Variants in ZBTB20 observed in about 807,000 individuals in gnomAD.
ZBTB20 encodes the protein zinc finger and BTB domain-containing protein 20.
In ZBTB20, 9 loss-of-function variants were observed where a neutral mutation model predicts 56.9. That is an observed-to-expected ratio of 0.16 (90% CI 0.10 to 0.28). The LOEUF is 0.28. ZBTB20 is among the 10% of genes least tolerant of loss of function. The probability of loss-of-function intolerance (pLI) is 1.00; values close to 1 mark genes in which losing one functional copy is unlikely to be tolerated. For missense variants in ZBTB20, 655 were observed against 1,003.0 expected, an observed-to-expected ratio of 0.65 and a Z score of 4.69; for synonymous variants, 417 against 420.7, an observed-to-expected ratio of 0.99 and a Z score of 0.11.
intron 7 of ZBTB20, among the ~76,000 whole-genome samples, chr3:114,412,814 C>T (rs1576645107): frequency 6.6e-6 from 1 of 152,208 alleles, no homozygotes; most frequent in South Asian, 2.1e-4. Context: ...TGAGCAAAAA[C>T]TTCAGTCTCT....
At chr3:114,679,595 C>T (rs922985174) in intron 6 of ZBTB20, among the ~76,000 whole-genome samples, 8 of 152,092 alleles carry the variant, frequency 5.3e-5, no homozygotes, top group South Asian at 2.1e-4. Flanking sequence ...TACTATCTCA[C>T]GCCAGTTAGA....
chr3:114,766,299 G>A (rs572275223), intron 5 of ZBTB20, among the ~76,000 whole-genome samples: 1 of 151,884 alleles, frequency 6.6e-6, no homozygotes, highest in African/African-American at 2.4e-5. Flanking sequence ...GCACAGAAAC[G>A]GATAAAAAAG....
intron 4 of ZBTB20, among the ~76,000 whole-genome samples, chr3:114,865,264 C>A (rs2075717945): frequency 6.6e-6 from 1 of 152,110 alleles, no homozygotes; most frequent in African/African-American, 2.4e-5. Context: ...GACTTTTAAA[C>A]AAACACATTT....
intron 5 of ZBTB20, among the ~76,000 whole-genome samples, chr3:114,746,699 T>C (rs1055134299): frequency 5.3e-5 from 8 of 152,158 alleles, no homozygotes; most frequent in African/African-American, 1.9e-4. Context: ...ATAAGGAGGG[T>C]TTTGTTTGGG....
intron 7 of ZBTB20, among the ~76,000 whole-genome samples, chr3:114,390,016 G>T (rs2085673822): frequency 6.6e-6 from 1 of 151,630 alleles, no homozygotes; most frequent in African/African-American, 2.4e-5. Flanking sequence ...TCATGAGGAT[G>T]TACAGTACAT....
chr3:114,558,627 G>A (rs2051578640), intron 6 of ZBTB20, among the ~76,000 whole-genome samples: 1 of 152,018 alleles, frequency 6.6e-6, no homozygotes, highest in Admixed American at 6.6e-5. Flanking sequence ...ACTATTAACT[G>A]GGATTACTTC....
At chr3:114,763,621 T>C (rs2068589615) in intron 5 of ZBTB20, among the ~76,000 whole-genome samples, 2 of 152,258 alleles carry the variant, frequency 1.3e-5, no homozygotes, top group Admixed American at 6.5e-5. Flanking sequence ...TTTTCAGCTA[T>C]AAAATGAGAA....
At chr3:114,814,235 A>G (rs535869144) in intron 4 of ZBTB20, among the ~76,000 whole-genome samples, 11 of 149,442 alleles carry the variant, frequency 7.4e-5, no homozygotes, top group African/African-American at 2.7e-4. Flanking sequence ...TTATTTACTT[A>G]ATTTATATTA....
At position 114,320,955 on chromosome 3, in the gene ZBTB20, C is replaced by T. The variant is rs934349786; in HGVS notation, c.*18050G>A. ...AGCCTCCAAACCTTGCCCATGATTTCCACCTTTCCATAGCCTCACTTCAAG... is the reference window on the plus strand; with the variant it reads ...AGCCTCCAAACCTTGCCCATGATTTTCACCTTTCCATAGCCTCACTTCAAG... On this transcript the variant is annotated 3_prime_UTR_variant, in exon 12 of 12. Transcript: ENST00000675478. The T allele has an allele frequency of 2.0e-5, 3 of 152,168 alleles. No homozygotes were observed. Among genetic ancestry groups the T allele is most frequent in the African/African-American group, 7.2e-5 (3 of 41,434 alleles). 9.4% of individuals were successfully genotyped at this position (152,168 alleles called of 1,614,324 possible). A position where few individuals can be genotyped will look rare whatever the true frequency, so the allele number is the denominator to read the frequency against.
At chr3:114,694,584 T>C (rs560448854) in intron 5 of ZBTB20, among the ~76,000 whole-genome samples, 1 of 152,122 alleles carries the variant, frequency 6.6e-6, no homozygotes, top group African/African-American at 2.4e-5. Context: ...TCCTAGGACT[T>C]ATATAAACAA....
In ZBTB20 at chr3:114,978,046, A is replaced by G. The variant is rs185767344; in HGVS notation, c.-506-3630T>C. ...AAAAAAAAAGTGTAAGGCAGAAAAC[A>G]TCTTTAACAAAATTCAAACTTAAGA... On this transcript the variant is annotated intron_variant, in intron 2 of 11. Transcript: ENST00000675478. 7.3e-4 allele frequency among the ~76,000 whole-genome samples: 111 copies of G among 151,394 alleles called. 1 individual carries two copies. In the East Asian group the frequency reaches 0.015, roughly 20 times the overall value.
chr3:114,552,574 G>A (rs2050713013), intron 6 of ZBTB20, among the ~76,000 whole-genome samples: 1 of 152,080 alleles, frequency 6.6e-6, no homozygotes, highest in Non-Finnish European at 1.5e-5. Flanking sequence ...AATGGTTAAA[G>A]TCAAAAAAGC....
At position 114,433,795 on chromosome 3, in the gene ZBTB20, A is replaced by G. The variant is rs145379468; in HGVS notation, c.-254-44690T>C. On this transcript the variant is annotated intron_variant, in intron 7 of 11. Transcript: ENST00000675478. Reference sequence around the variant, plus strand: ...ACAAATAAGTGCTTTAGCAGTTCGGAAGAAGCAAGTCCTCCTGGCTATAGA... The same window carrying G: ...ACAAATAAGTGCTTTAGCAGTTCGGGAGAAGCAAGTCCTCCTGGCTATAGA... Among the ~76,000 whole-genome samples, 343 of 152,274 alleles carry G rather than the reference A, an allele frequency of 2.3e-3. 1 individual carries two copies. The Middle Eastern group carries it at 0.034, about 15-fold the overall frequency.
chr3:114,424,256 A>G (rs531023049), intron 7 of ZBTB20, among the ~76,000 whole-genome samples: 2 of 152,220 alleles, frequency 1.3e-5, no homozygotes, highest in Non-Finnish European at 2.9e-5. Context: ...AATCATAGAT[A>G]CAAAGCATGG....
intron 6 of ZBTB20, among the ~76,000 whole-genome samples, chr3:114,614,889 C>G (rs1300491196): frequency 6.6e-6 from 1 of 152,138 alleles, no homozygotes; most frequent in African/African-American, 2.4e-5. Flanking sequence ...TCCCGAGTAG[C>G]TGGGATTATA....
intron 6 of ZBTB20, among the ~76,000 whole-genome samples, chr3:114,590,604 G>C (rs1233847042): frequency 1.3e-5 from 2 of 151,852 alleles, no homozygotes; most frequent in South Asian, 4.1e-4. Flanking sequence ...TAGTAAATGA[G>C]TTATTATAGG....
chr3:114,891,391 TCTC>T (rs1442854886), intron 4 of ZBTB20, among the ~76,000 whole-genome samples: 12 of 152,202 alleles, frequency 7.9e-5, no homozygotes, highest in African/African-American at 2.9e-4. Flanking sequence ...CTGTATCATG[TCTC>T]CTCAAGTATC....
At chr3:115,018,885 G>A (rs549302714) in intron 2 of ZBTB20, among the ~76,000 whole-genome samples, 4 of 151,384 alleles carry the variant, frequency 2.6e-5, no homozygotes, top group African/African-American at 7.2e-5. Context: ...GGTAGTGAAT[G>A]TTTTTCATTT....
At chr3:114,477,960 TCC>T (rs1438363822) in intron 7 of ZBTB20, among the ~76,000 whole-genome samples, 19 of 102,536 alleles carry the variant, frequency 1.9e-4, no homozygotes, top group Non-Finnish European at 2.5e-4. Context: ...CCTCCCACCC[TCC>T]CTCTCTCTCT....
Sources: allele counts gnomAD v4.1 joint callset (sites outside exome capture counted in the v4.1 genomes callset), GRCh38; gene constraint gnomAD v4.1.1; transcripts MANE v1.5; gene names NCBI Gene and HGNC (gene_info 2026-07-23, HGNC 2026-07-21).